Variants in TLN2 observed in about 807,000 individuals in gnomAD.
TLN2 encodes the protein talin-2.
In TLN2, 118 loss-of-function variants were observed where a neutral mutation model predicts 294.7. The observed-to-expected ratio is 0.40, with a 90% CI of 0.34 to 0.47. TLN2 has a LOEUF of 0.47. TLN2 is among the 20% of genes least tolerant of loss of function. The pLI is 0.84. For synonymous variants in TLN2, 1,431 were observed against 1,304.5 expected (o/e 1.10, Z -2.09); for missense variants, 3,083 against 3,282.2 (o/e 0.94, Z 1.48).
chr15:62,683,683 G>T (rs1186374923), intron 11 of TLN2, among the ~76,000 whole-genome samples: 2 of 152,168 alleles, frequency 1.3e-5, no homozygotes, highest in Non-Finnish European at 2.9e-5. Context: ...CTAGATGGCC[G>T]TCAAAAATCA....
intron 3 of TLN2, among the ~76,000 whole-genome samples, chr15:62,636,807 T>TG (rs2050427219): frequency 6.6e-6 from 1 of 152,198 alleles, no homozygotes; most frequent in African/African-American, 2.4e-5. Context: ...TGTCCTTCAG[T>TG]GGGGGCCACA....
chr15:62,545,599 G>A (rs912897435), intron 1 of TLN2, among the ~76,000 whole-genome samples: 19 of 151,936 alleles, frequency 1.3e-4, no homozygotes, highest in South Asian at 2.1e-4. Flanking sequence ...TCCAGGGACA[G>A]CAGAGCTGCA....
At chr15:62,709,981 C>A (rs189476408) in intron 21 of TLN2, among the ~76,000 whole-genome samples, 1 of 152,058 alleles carries the variant, frequency 6.6e-6, no homozygotes, top group East Asian at 1.9e-4. Context: ...GTGATCTGCC[C>A]GCCTCAGCCT....
chr15:62,474,328 C>G (rs2037665122), intron 1 of TLN2, among the ~76,000 whole-genome samples: 1 of 151,964 alleles, frequency 6.6e-6, no homozygotes, highest in Non-Finnish European at 1.5e-5. Flanking sequence ...TTCTCCACCC[C>G]TTTTTCACTC....
At chr15:62,572,331 C>G (rs2043946553) in intron 1 of TLN2, among the ~76,000 whole-genome samples, 1 of 152,150 alleles carries the variant, frequency 6.6e-6, no homozygotes, top group Admixed American at 6.5e-5. Context: ...ACCTCGACCT[C>G]CTGGGAACAA....
intron 1 of TLN2, among the ~76,000 whole-genome samples, chr15:62,455,244 A>G (rs760301474): frequency 2.8e-4 from 43 of 151,638 alleles, no homozygotes; most frequent in Admixed American, 2.0e-4. Context: ...GCAATATTGC[A>G]GTTTCCAGGT....
chr15:62,651,349 A>C (rs1596498961), intron 5 of TLN2, among the ~76,000 whole-genome samples: 1 of 152,194 alleles, frequency 6.6e-6, no homozygotes, highest in East Asian at 1.9e-4. Context: ...GCAGTTATTT[A>C]GCACTGGAGA....
intron 31 of TLN2, 85 bp downstream of exon 31, chr15:62,739,630 AG>A: frequency 6.7e-7 from 1 of 1,497,960 alleles, no homozygotes; most frequent in Non-Finnish European, 9.1e-7. Context: ...CTGAACAAAT[AG>A]GAAAAGGAAC....
chr15:62,562,955 CACACACACACACACA>C lies in TLN2; in HGVS notation c.-237-26731_-237-26717del, dbSNP rs1567104790. ...ACACACACACACACACACACACACA[CACACACACACACACA>C]CCAGTTTCTTTATCCCCTCGTTGAT... On this transcript the variant is annotated intron_variant, in intron 1 of 58. Coordinates refer to ENST00000636159, the MANE Select transcript of TLN2 (RefSeq NM_015059.3). 1.9e-4 allele frequency among the ~76,000 whole-genome samples: 27 copies of C among 140,592 alleles called. 1 individual carries two copies. The highest frequency in any genetic ancestry group is 7.2e-4 in the African/African-American group (27 of 37,380). 92.2% of individuals were successfully genotyped at this position (140,592 alleles called of 152,430 possible).
At chr15:62,587,438 A>G (rs1384531524) in intron 1 of TLN2, among the ~76,000 whole-genome samples, 1 of 152,258 alleles carries the variant, frequency 6.6e-6, no homozygotes, top group African/African-American at 2.4e-5. Flanking sequence ...TGGACATCCA[A>G]GAATACACAC....
At chr15:62,403,201 A>C (rs2033151397) in intron 1 of TLN2, among the ~76,000 whole-genome samples, 1 of 151,692 alleles carries the variant, frequency 6.6e-6, no homozygotes, top group South Asian at 2.1e-4. Context: ...TCGTGTGACA[A>C]AGCGAGACTC....
chr15:62,425,501 G>A (rs2034662453), intron 1 of TLN2, among the ~76,000 whole-genome samples: 1 of 152,184 alleles, frequency 6.6e-6, no homozygotes, highest in Non-Finnish European at 1.5e-5. Context: ...AGGCTTCTTA[G>A]CATCACGGAG....
intron 1 of TLN2, among the ~76,000 whole-genome samples, chr15:62,437,752 GGT>G (rs1555407258): frequency 7.8e-4 from 117 of 150,402 alleles, no homozygotes; most frequent in African/African-American, 2.7e-3. Context: ...ACACCATGGG[GGT>G]GTGTGTGTGT....
At chr15:62,532,247 G>C (rs571281074) in intron 1 of TLN2, among the ~76,000 whole-genome samples, 1 of 151,676 alleles carries the variant, frequency 6.6e-6, no homozygotes, top group South Asian at 2.1e-4. Flanking sequence ...AGGGTTTCTT[G>C]GTTTTTTTGT....
chr15:62,835,740 G>C lies in TLN2; in HGVS notation c.7132G>C (p.Gly2378Arg). 1 of 1,614,192 alleles carries C rather than the reference G, an allele frequency of 6.2e-7. No homozygotes were observed. The highest frequency in any genetic ancestry group is 8.5e-7 in the Non-Finnish European group (1 of 1,180,024). The change falls in exon 56 of 59, where the codon GGC becomes CGC. Residue 2378 changes from glycine to arginine, a missense_variant. Coordinates refer to ENST00000636159, the MANE Select transcript of TLN2 (RefSeq NM_015059.3). ...ATTTCTCGACTCTACTCTCTAGGTG[G>C]GCTCCATCCCTGCCAATGCTGCAGA... ...QRELVAQGKV[G>R]SIPANAADDG...
chr15:62,544,681 C>G (rs907669270), intron 1 of TLN2, among the ~76,000 whole-genome samples: 2 of 151,954 alleles, frequency 1.3e-5, no homozygotes, highest in African/African-American at 4.8e-5. Context: ...CATCATCTAC[C>G]CTTTTAAGAG....
intron 27 of TLN2, among the ~76,000 whole-genome samples, chr15:62,725,573 G>T (rs1002135744): frequency 3.9e-5 from 6 of 152,112 alleles, no homozygotes; most frequent in Non-Finnish European, 7.4e-5. Context: ...GAGTTTTGTT[G>T]GCTAAAACTT....
chr15:62,752,460 C>A, intron 35 of TLN2, 33 bp downstream of exon 35: 1 of 1,610,614 alleles, frequency 6.2e-7, no homozygotes, highest in Non-Finnish European at 8.5e-7. Context: ...GCCATGTGCC[C>A]TGTGCCAGAT....
chr15:62,394,693 A>T (rs2032381479), intron 1 of TLN2, among the ~76,000 whole-genome samples: 1 of 152,176 alleles, frequency 6.6e-6, no homozygotes, highest in African/African-American at 2.4e-5. Context: ...TAACCTGGAG[A>T]AAGGCAAAGA....
Sources: gnomAD v4.1 joint callset for allele counts (sites outside exome capture counted in the v4.1 genomes callset) on GRCh38, gnomAD v4.1.1 for gene constraint, MANE v1.5 for transcripts, NCBI Gene and HGNC (gene_info 2026-07-23, HGNC 2026-07-21) for gene names.